Variants in SYCE1L observed in about 807,000 individuals in gnomAD.
The protein encoded by SYCE1L is synaptonemal complex central element protein 1 like.
In SYCE1L, 51 loss-of-function variants were observed where a neutral mutation model predicts 39.6. That is an observed-to-expected ratio of 1.29 (90% CI 1.03 to 1.63). The LOEUF is 1.63. Ranked by LOEUF, SYCE1L falls within the 40% of genes most tolerant of loss-of-function variation. SYCE1L has a pLI of 0.00. For synonymous variants in SYCE1L, 147 were observed against 122.4 expected (o/e 1.20, Z -1.33); for missense variants, 426 against 304.9 (o/e 1.40, Z -2.96).
In SYCE1L at chr16:77,199,510, A is replaced by C. The variant is rs754218754; in HGVS notation, c.59A>C (p.Glu20Ala). Residue 20 changes from glutamate (E) to alanine (A), a missense_variant and splice_region_variant, in exon 1 of 11, where the codon GAA becomes GCA. Physicochemically the swap from Glu to Ala is moderately radical, Grantham distance 107. Transcript: ENST00000378644. ...VEAPEATEEA[E>A]GQAKSLKTED... ...GCGCCAGAAGCTACTGAGGAGGCTGAAGGTAGTGAGGGCAAGTGGGCTGCA... is the reference window on the plus strand; with the variant it reads ...GCGCCAGAAGCTACTGAGGAGGCTGCAGGTAGTGAGGGCAAGTGGGCTGCA... The C allele has an allele frequency of 6.4e-6, 10 of 1,551,224 alleles. No individual in the cohort carries two copies. In the South Asian group the frequency reaches 1.2e-4, roughly 18 times the overall value.
At chr16:77,210,643 C>A (rs976191538) in intron 6 of SYCE1L, among the ~76,000 whole-genome samples, 3 of 151,948 alleles carry the variant, frequency 2.0e-5, no homozygotes, top group African/African-American at 7.3e-5. Flanking sequence ...AGGGTTCAAG[C>A]CAGGATGTTA....
intron 2 of SYCE1L, among the ~76,000 whole-genome samples, chr16:77,207,200 C>A (rs1334992046): frequency 6.6e-6 from 1 of 152,176 alleles, no homozygotes; most frequent in Non-Finnish European, 1.5e-5. Flanking sequence ...TAATCAGCAC[C>A]GTGGAGAGCA....
At chr16:77,205,529 T>C (rs985084474) in intron 1 of SYCE1L, among the ~76,000 whole-genome samples, 2 of 151,024 alleles carry the variant, frequency 1.3e-5, no homozygotes, top group Non-Finnish European at 3.0e-5. Context: ...TTGATTGATA[T>C]ATGCCTCAAG....
chr16:77,211,423 C>G, intron 7 of SYCE1L, 147 bp downstream of exon 7: 1 of 961,456 alleles, frequency 1.0e-6, no homozygotes, highest in Non-Finnish European at 1.6e-6. Flanking sequence ...TATTCAGTCC[C>G]TCAGCTTTTA....
chr16:77,201,187 T>C (rs1247377353), intron 1 of SYCE1L: 2 of 152,168 alleles, frequency 1.3e-5, no homozygotes, highest in African/African-American at 4.8e-5. Context: ...TGAAATAACT[T>C]CAAGAGCAGA....
At position 77,211,452 on chromosome 16, in the gene SYCE1L, C is replaced by T. The variant is rs558903011; in HGVS notation, c.423+176C>T. On this transcript the variant is annotated intron_variant, in intron 7 of 10. Coordinates refer to ENST00000378644, the MANE Select transcript of SYCE1L (RefSeq NM_001129979.3). ...GCTTTTATCTAAAATCAACTTACGC[C>T]TCACCATGCCCCACTGCCACACCCA... Among the ~76,000 whole-genome samples, 16 of 152,272 alleles carry T rather than the reference C, an allele frequency of 1.1e-4. 1 individual carries two copies. In the South Asian group the frequency reaches 3.3e-3, roughly 32 times the overall value.
chr16:77,199,580 C>A, intron 1 of SYCE1L, 68 bp downstream of exon 1: 1 of 1,193,552 alleles, frequency 8.4e-7, no homozygotes. Flanking sequence ...GGATTCGTCC[C>A]ATTACAATAA....
chr16:77,202,102 A>G (rs769516720), intron 1 of SYCE1L: 3 of 152,240 alleles, frequency 2.0e-5, no homozygotes, highest in Non-Finnish European at 4.4e-5. Context: ...ATTTTAAAAT[A>G]TAAAGGAGAA....
chr16:77,210,893 A>G (rs1306203647), intron 6 of SYCE1L, among the ~76,000 whole-genome samples: 2 of 152,196 alleles, frequency 1.3e-5, no homozygotes, highest in African/African-American at 4.8e-5. Flanking sequence ...TTCCCTTCCC[A>G]GGAAGCACAT....
At chr16:77,208,720 T>G (rs142433783) in intron 4 of SYCE1L, among the ~76,000 whole-genome samples, 181 bp downstream of exon 4, 1 of 152,338 alleles carries the variant, frequency 6.6e-6, no homozygotes, top group East Asian at 1.9e-4. Flanking sequence ...TAGGCCTATC[T>G]TGATGGTCTC....
At chr16:77,212,413 G>A (rs1247458938) in intron 9 of SYCE1L, 44 bp downstream of exon 9, 2 of 1,532,624 alleles carry the variant, frequency 1.3e-6, no homozygotes, top group African/African-American at 1.4e-5. Flanking sequence ...CAGGGGCAGG[G>A]CGGAGGGGAA....
At chr16:77,201,603 G>C (rs573242650) in intron 1 of SYCE1L, 1 of 152,256 alleles carries the variant, frequency 6.6e-6, no homozygotes, top group African/African-American at 2.4e-5. Context: ...GTGACCATGC[G>C]ATGTAATCAA....
chr16:77,212,805 G>C (rs1407405669), intron 10 of SYCE1L, 52 bp from the exon 11 acceptor site: 2 of 1,433,764 alleles, frequency 1.4e-6, no homozygotes, highest in Non-Finnish European at 1.8e-6. Flanking sequence ...AGACGCGGGC[G>C]GACGCGAGGA....
chr16:77,211,132 C>G, intron 6 of SYCE1L, 81 bp from the exon 7 acceptor site: 2 of 1,461,244 alleles, frequency 1.4e-6, no homozygotes, highest in South Asian at 1.2e-5. Flanking sequence ...TGGGCAGGAT[C>G]TGAAGGCCTG....
Position 77,212,380 on chromosome 16 carries a change from A to T in SYCE1L, c.581+11A>T. The stretch of plus-strand genomic sequence containing the variant: ...GGCGGTGAATGACGGGTGAGAGGGG[A>T]AGGGAGGAGTGGGCGAGGAGGGCAG... On this transcript the variant is annotated intron_variant, in intron 9 of 10. Coordinates refer to ENST00000378644, the MANE Select transcript of SYCE1L (RefSeq NM_001129979.3). 2.0e-6 allele frequency: 3 copies of T among 1,527,334 alleles called. No homozygotes were observed. Among genetic ancestry groups the T allele is most frequent in the Non-Finnish European group, 2.6e-6 (3 of 1,138,734 alleles). 94.6% of individuals were successfully genotyped at this position (1,527,334 alleles called of 1,614,324 possible).
At chr16:77,205,590 C>T (rs923028547) in intron 1 of SYCE1L, among the ~76,000 whole-genome samples, 4 of 151,940 alleles carry the variant, frequency 2.6e-5, no homozygotes, top group African/African-American at 9.7e-5. Flanking sequence ...TTCTTTACAA[C>T]TTATTTGTGG....
chr16:77,209,401 G>C lies in SYCE1L; in HGVS notation c.305-16G>C, dbSNP rs1217236135. 6.4e-7 allele frequency: 1 copy of C among 1,551,650 alleles called. No individual in the cohort carries two copies. The highest frequency in any genetic ancestry group is 2.0e-5 in the Admixed American group (1 of 50,994). On this transcript the variant is annotated splice_polypyrimidine_tract_variant and intron_variant, in intron 5 of 10. Transcript: ENST00000378644. ...CCAAGAGCTCTCAAAGGGTCCCCTT[G>C]GTTCCTTCCCCACAGAGGCACTGAG...
chr16:77,206,186 T>C (rs183009235), intron 1 of SYCE1L, among the ~76,000 whole-genome samples: 11 of 152,268 alleles, frequency 7.2e-5, no homozygotes, highest in Admixed American at 7.2e-4. Context: ...TGAGTTTCAT[T>C]AAGGGGATGT....
intron 1 of SYCE1L, among the ~76,000 whole-genome samples, chr16:77,204,870 C>A (rs1221387984): frequency 6.6e-6 from 1 of 151,740 alleles, no homozygotes; most frequent in South Asian, 2.1e-4. Flanking sequence ...CACAGTAAAA[C>A]CCCATCTCTA....
Sources: allele counts gnomAD v4.1 joint callset (sites outside exome capture counted in the v4.1 genomes callset), GRCh38; gene constraint gnomAD v4.1.1; transcripts MANE v1.5; gene names NCBI Gene and HGNC (gene_info 2026-07-23, HGNC 2026-07-21).